Variants in PIEZO2 observed in about 807,000 individuals in gnomAD.
The protein encoded by PIEZO2 is piezo type mechanosensitive ion channel component 2.
Under a neutral mutation model 337.3 loss-of-function variants are expected in PIEZO2, and 172 were observed. The ratio of observed to expected loss-of-function variants is 0.51; its 90% CI spans 0.45 to 0.58. The LOEUF is 0.58. Ranked by LOEUF, PIEZO2 falls within the 20% of genes least tolerant of loss-of-function variation. PIEZO2 has a pLI of 0.00. For missense variants in PIEZO2, 3,028 were observed against 3,391.3 expected (o/e 0.89, Z 2.66); for synonymous variants, 1,251 against 1,228.5 (o/e 1.02, Z -0.38).
At position 11,053,092 on chromosome 18, in the gene PIEZO2, T is replaced by G. The variant is rs544581897; in HGVS notation, c.160+13035A>C. Among the ~76,000 whole-genome samples the G allele has an allele frequency of 1.2e-4, 19 of 152,308 alleles. No individual in the cohort carries two copies. In the South Asian group the frequency reaches 3.9e-3, roughly 32 times the overall value. On this transcript the variant is annotated intron_variant, in intron 2 of 55. Coordinates refer to ENST00000674853, the MANE Select transcript of PIEZO2 (RefSeq NM_001378183.1). The stretch of plus-strand genomic sequence containing the variant: ...CCACATGAAACTCAGTCTTTGTCTG[T>G]GACATGAGGATTATTGATCATAGTA...
chr18:11,082,918 C>T (rs1260707193), intron 1 of PIEZO2, among the ~76,000 whole-genome samples: 1 of 152,168 alleles, frequency 6.6e-6, no homozygotes. Context: ...CAATTTGATT[C>T]TATCATATTA....
intron 36 of PIEZO2, chr18:10,725,327 G>C: frequency 6.2e-7 from 1 of 1,601,256 alleles, no homozygotes; most frequent in Non-Finnish European, 8.5e-7. Flanking sequence ...GCGTCGAAGA[G>C]GTTGTGGTGC....
chr18:10,886,282 T>G (rs2042575467), intron 4 of PIEZO2, among the ~76,000 whole-genome samples: 1 of 124,006 alleles, frequency 8.1e-6, no homozygotes, highest in Non-Finnish European at 1.6e-5. Flanking sequence ...AGAACCCCAG[T>G]GGATGCTTGA....
rs1386019636 is a variant in PIEZO2, at chr18:11,111,498, T to C, written c.64+37027A>G. Among the ~76,000 whole-genome samples, 2 of 152,188 alleles carry C rather than the reference T, an allele frequency of 1.3e-5. 1 individual carries two copies. The highest frequency in any genetic ancestry group is 4.1e-4 in the South Asian group (2 of 4,830). On this transcript the variant is annotated intron_variant, in intron 1 of 55. Transcript: ENST00000674853. This position sits in a 1 kb window ranked among gnomAD's most constrained non-coding sequence, Gnocchi z 6.2. ...ATAGGCTGCCCCTTCTGGAGAAGCA[T>C]GCACCACCCAGTGGCCAGGGCCCTC...
chr18:11,020,135 A>G (rs1398257338), intron 2 of PIEZO2, among the ~76,000 whole-genome samples: 1 of 152,246 alleles, frequency 6.6e-6, no homozygotes, highest in Non-Finnish European at 1.5e-5. Flanking sequence ...TTAAAAAAAT[A>G]GTCACACAAT....
At chr18:10,898,228 T>G (rs913823312) in intron 4 of PIEZO2, among the ~76,000 whole-genome samples, 3 of 152,306 alleles carry the variant, frequency 2.0e-5, no homozygotes, top group Non-Finnish European at 4.4e-5. Context: ...GAGACCATCC[T>G]GGCTAACATG....
At chr18:10,723,880 G>T (rs1017196289) in intron 36 of PIEZO2, among the ~76,000 whole-genome samples, 5 of 152,212 alleles carry the variant, frequency 3.3e-5, no homozygotes, top group African/African-American at 1.2e-4. Flanking sequence ...AGAGGAGAGA[G>T]GGTATTCTGG....
Position 10,676,760 on chromosome 18 carries a change from T to C in PIEZO2, c.8081+987A>G, listed in dbSNP as rs2034023534. 6.6e-6 allele frequency among the ~76,000 whole-genome samples: 1 copy of C among 152,224 alleles called. No individual in the cohort carries two copies. The highest frequency in any genetic ancestry group is 1.5e-5 in the Non-Finnish European group (1 of 68,040). ...ACTAGTGGCTCCCTAAGAAGGAACCTTGAGCCCCACCTCTTTCCACTGAGG... is the reference window on the plus strand; with the variant it reads ...ACTAGTGGCTCCCTAAGAAGGAACCCTGAGCCCCACCTCTTTCCACTGAGG... On this transcript the variant is annotated intron_variant, in intron 53 of 55. Coordinates refer to ENST00000674853, the MANE Select transcript of PIEZO2 (RefSeq NM_001378183.1). This position sits in a 1 kb window ranked among gnomAD's most constrained non-coding sequence, Gnocchi z 5.1.
chr18:11,064,035 A>G (rs937455569), intron 2 of PIEZO2, among the ~76,000 whole-genome samples: 1 of 152,120 alleles, frequency 6.6e-6, no homozygotes, highest in Non-Finnish European at 1.5e-5. Flanking sequence ...TGAGCAAAAA[A>G]AAAAAAGAAA....
chr18:11,022,396 G>A (rs1462598825), intron 2 of PIEZO2, among the ~76,000 whole-genome samples: 3 of 152,234 alleles, frequency 2.0e-5, no homozygotes, highest in Non-Finnish European at 4.4e-5. Context: ...CCTGCTGGGG[G>A]CATGGTAGCA....
Position 10,784,951 on chromosome 18 carries a change from C to T in PIEZO2, c.2325G>A (p.Glu775=), listed in dbSNP as rs562821977. The T allele has an allele frequency of 7.0e-5, 107 of 1,532,948 alleles. No homozygotes were observed. In the African/African-American group the frequency reaches 1.1e-3, roughly 15 times the overall value. 95.0% of individuals were successfully genotyped at this position (1,532,948 alleles called of 1,614,324 possible). ...NMTGLKKEKL[E]DLGLKQFTVA... ...CAGTAAACTGCTTTAAGCCAAGATC[C>T]TCAAGCCTGCAAAACAAAACAAAAT... The change falls in exon 17 of 56, where the codon GAG becomes GAA. Residue 775 remains glutamate (E), a synonymous_variant. Transcript: ENST00000674853. This position sits in a 1 kb window ranked among gnomAD's most constrained non-coding sequence, Gnocchi z 4.5.
At chr18:10,730,788 G>A (rs1309292279) in intron 36 of PIEZO2, among the ~76,000 whole-genome samples, 2 of 152,080 alleles carry the variant, frequency 1.3e-5, no homozygotes, top group Non-Finnish European at 2.9e-5. Context: ...GTGCAGTGGT[G>A]CGATCTTGGC....
At chr18:10,917,535 A>G (rs2031074460) in intron 3 of PIEZO2, among the ~76,000 whole-genome samples, 1 of 152,164 alleles carries the variant, frequency 6.6e-6, no homozygotes, top group South Asian at 2.1e-4. Context: ...TTTACTACAG[A>G]AAAAAGTAAC....
intron 3 of PIEZO2, among the ~76,000 whole-genome samples, chr18:10,946,651 C>T (rs374030107): frequency 5.9e-5 from 9 of 152,332 alleles, no homozygotes; most frequent in South Asian, 2.1e-4. Flanking sequence ...AGCTCCACTC[C>T]GCTGGGCTGG....
In PIEZO2 at chr18:10,724,985, C is replaced by G; in HGVS notation, c.5029+6422G>C. 1 of 1,587,762 alleles carries G rather than the reference C, an allele frequency of 6.3e-7. No homozygotes were observed. Among genetic ancestry groups the G allele is most frequent in the Non-Finnish European group, 8.6e-7 (1 of 1,161,068 alleles). On this transcript the variant is annotated intron_variant, in intron 36 of 55. Transcript: ENST00000674853. This position sits in a 1 kb window ranked among gnomAD's most constrained non-coding sequence, Gnocchi z 5.8. Reference sequence around the variant, plus strand: ...CCTGCAGCCTCCCTGCCTCACATTACTAAGACTCAAAGCGATGCAGGCCAT... The same window carrying G: ...CCTGCAGCCTCCCTGCCTCACATTAGTAAGACTCAAAGCGATGCAGGCCAT...
At chr18:10,688,366 A>C (rs2034649035) in intron 49 of PIEZO2, among the ~76,000 whole-genome samples, 1 of 152,188 alleles carries the variant, frequency 6.6e-6, no homozygotes, top group African/African-American at 2.4e-5. Context: ...ATAGTATTCC[A>C]TGGTGTGTAT....
intron 2 of PIEZO2, among the ~76,000 whole-genome samples, chr18:11,042,993 T>G (rs1164493687): frequency 6.6e-6 from 1 of 152,176 alleles, no homozygotes; most frequent in African/African-American, 2.4e-5. Flanking sequence ...CCAAAAAAAT[T>G]GTTTGGCCAT....
At chr18:11,063,008 A>C (rs1192328603) in intron 2 of PIEZO2, among the ~76,000 whole-genome samples, 3 of 152,278 alleles carry the variant, frequency 2.0e-5, no homozygotes, top group South Asian at 4.2e-4. Context: ...TTGGAACCAA[A>C]CCAAATGTCC....
chr18:10,981,888 T>C (rs1315020103), intron 2 of PIEZO2, among the ~76,000 whole-genome samples: 1 of 152,174 alleles, frequency 6.6e-6, no homozygotes, highest in Non-Finnish European at 1.5e-5. Flanking sequence ...TTTGGACTCC[T>C]GGACCCACAC....
Sources: gnomAD v4.1 joint callset for allele counts (sites outside exome capture counted in the v4.1 genomes callset) on GRCh38, gnomAD v4.1.1 for gene constraint, Gnocchi (gnomAD v3.1) non-coding constraint, MANE v1.5 for transcripts, NCBI Gene and HGNC (gene_info 2026-07-23, HGNC 2026-07-21) for gene names.